Variants in ZNF536 observed in about 807,000 individuals in gnomAD.
The protein encoded by ZNF536 is zinc finger protein 536.
In ZNF536, 13 loss-of-function variants were observed where a neutral mutation model predicts 84.5. The observed-to-expected ratio is 0.15, with a 90% CI of 0.10 to 0.24. The LOEUF is 0.24. Among genes scored for constraint, ZNF536 ranks in the 10% least tolerant of loss-of-function variants. The pLI, the probability that ZNF536 is intolerant of heterozygous loss-of-function variation, is 1.00. For missense variants in ZNF536, 1,536 were observed against 1,747.5 expected, an observed-to-expected ratio of 0.88 and a Z score of 2.16; for synonymous variants, 811 against 742.5, an observed-to-expected ratio of 1.09 and a Z score of -1.50.
At chr19:30,542,694 C>T (rs1332220673) in intron 3 of ZNF536, among the ~76,000 whole-genome samples, 1 of 152,222 alleles carries the variant, frequency 6.6e-6, no homozygotes, top group African/African-American at 2.4e-5. Context: ...CAATGACTGC[C>T]TGCTCCAGAC....
intron 1 of ZNF536, among the ~76,000 whole-genome samples, chr19:30,565,881 A>C (rs1384002874): frequency 1.3e-5 from 2 of 151,974 alleles, no homozygotes; most frequent in Non-Finnish European, 2.9e-5. Context: ...TGAGACACAC[A>C]CCTCCAATGC....
intron 3 of ZNF536, among the ~76,000 whole-genome samples, chr19:30,363,582 G>T (rs10404762): frequency 0.018 from 2,756 of 152,076 alleles, 76 homozygotes; most frequent in African/African-American, 0.06. Flanking sequence ...AAACCACATC[G>T]CAAAGTAGAA....
chr19:30,487,041 G>A (rs965035721), intron 2 of ZNF536, among the ~76,000 whole-genome samples: 1 of 152,218 alleles, frequency 6.6e-6, no homozygotes, highest in Non-Finnish European at 1.5e-5. Context: ...CTGCCTGCCA[G>A]GGATACAGGG....
intron 1 of ZNF536, among the ~76,000 whole-genome samples, chr19:30,383,932 T>TC (rs2049180930): frequency 3.3e-5 from 1 of 29,872 alleles, no homozygotes; most frequent in African/African-American, 1.2e-4. Flanking sequence ...TCCCTTCCCT[T>TC]CCCTTCCCTC....
intron 1 of ZNF536, among the ~76,000 whole-genome samples, chr19:30,684,442 A>G (rs1482082590): frequency 2.0e-5 from 3 of 152,178 alleles, no homozygotes; most frequent in Non-Finnish European, 4.4e-5. Context: ...TTGGCCTCAC[A>G]AAAATCTTAA....
chr19:30,511,097 G>A (rs953167287), intron 2 of ZNF536, among the ~76,000 whole-genome samples: 31 of 152,190 alleles, frequency 2.0e-4, no homozygotes, highest in African/African-American at 6.5e-4. Flanking sequence ...AGTTTTCAGA[G>A]CCTGAATGGA....
chr19:30,591,381 G>A (rs1048393482), intron 1 of ZNF536, among the ~76,000 whole-genome samples: 4 of 152,184 alleles, frequency 2.6e-5, no homozygotes, highest in Admixed American at 6.5e-5. Context: ...CATGGCTGGG[G>A]AGGCCTCACA....
At chr19:30,478,358 T>G (rs2053936228) in intron 2 of ZNF536, among the ~76,000 whole-genome samples, 1 of 152,146 alleles carries the variant, frequency 6.6e-6, no homozygotes, top group Admixed American at 6.5e-5. Context: ...CTCCGCCAGC[T>G]TCTATTTGTA....
At chr19:30,555,946 C>T (rs2045951017) in intron 4 of ZNF536, 1 of 152,190 alleles carries the variant, frequency 6.6e-6, no homozygotes, top group Admixed American at 6.5e-5. Context: ...GTGTGGGAGA[C>T]CTGGGGCATC....
At chr19:30,303,996 G>A (rs999260266) in intron 2 of ZNF536, among the ~76,000 whole-genome samples, 1 of 152,190 alleles carries the variant, frequency 6.6e-6, no homozygotes, top group East Asian at 1.9e-4. Context: ...AGTCGATGGG[G>A]ATGGGGACTG....
chr19:30,410,496 A>G (rs1470916939), intron 1 of ZNF536, among the ~76,000 whole-genome samples: 2 of 83,916 alleles, frequency 2.4e-5, no homozygotes, highest in African/African-American at 2.5e-4. Context: ...TTTTTTTGAG[A>G]CGGAGTCTCG....
chr19:30,266,833 A>G (rs1325122385), intron 1 of ZNF536, among the ~76,000 whole-genome samples: 2 of 152,074 alleles, frequency 1.3e-5, no homozygotes, highest in East Asian at 3.9e-4. Context: ...TTTTTTCTTG[A>G]TCATATTTTA....
chr19:30,479,685 T>A (rs1170857211), intron 2 of ZNF536, among the ~76,000 whole-genome samples: 1 of 152,196 alleles, frequency 6.6e-6, no homozygotes, highest in Admixed American at 6.5e-5. Context: ...TTTTTGTCCC[T>A]GTCACTGATA....
At chr19:30,430,361 C>A (rs2051400657) in intron 1 of ZNF536, among the ~76,000 whole-genome samples, 1 of 152,208 alleles carries the variant, frequency 6.6e-6, no homozygotes, top group Non-Finnish European at 1.5e-5. Flanking sequence ...AGTGCCTCCC[C>A]TGTGCCTGGC....
intron 1 of ZNF536, among the ~76,000 whole-genome samples, chr19:30,708,131 A>G (rs1227614553): frequency 6.6e-6 from 1 of 152,198 alleles, no homozygotes; most frequent in African/African-American, 2.4e-5. Flanking sequence ...CTTGGCATTC[A>G]TAACACTGAG....
intron 1 of ZNF536, among the ~76,000 whole-genome samples, chr19:30,624,593 T>C (rs1440962049): frequency 6.6e-6 from 1 of 152,212 alleles, no homozygotes; most frequent in Non-Finnish European, 1.5e-5. Flanking sequence ...TGCATTATTA[T>C]TTCAGGCTTG....
At chr19:30,695,967 G>C (rs1300880314) in intron 1 of ZNF536, among the ~76,000 whole-genome samples, 1 of 152,162 alleles carries the variant, frequency 6.6e-6, no homozygotes, top group Admixed American at 6.5e-5. Context: ...GTGTATCATA[G>C]GTGCTGCGTC....
intron 1 of ZNF536, among the ~76,000 whole-genome samples, chr19:30,642,075 A>G (rs2049286204): frequency 6.6e-6 from 1 of 152,162 alleles, no homozygotes; most frequent in Non-Finnish European, 1.5e-5. Context: ...GCCATTGCTG[A>G]TATGGCGTGG....
intron 2 of ZNF536, among the ~76,000 whole-genome samples, chr19:30,494,837 T>C (rs1282101637): frequency 2.7e-5 from 4 of 150,884 alleles, no homozygotes; most frequent in Non-Finnish European, 5.9e-5. Flanking sequence ...TCCCAGCTGC[T>C]TGGGAGGCTG....
Sources: allele counts gnomAD v4.1 joint callset (sites outside exome capture counted in the v4.1 genomes callset), GRCh38; gene constraint gnomAD v4.1.1; transcripts MANE v1.5; gene names NCBI Gene and HGNC (gene_info 2026-07-23, HGNC 2026-07-21).